The following FGF14 variants were observed in gnomAD, a reference collection of about 807,000 sequenced individuals.
FGF14 encodes fibroblast growth factor 14.
In FGF14, 5 loss-of-function variants were observed where a neutral mutation model predicts 25.5. The observed-to-expected ratio is 0.20, with a 90% CI of 0.10 to 0.41. FGF14 has a LOEUF of 0.41. FGF14 is among the 10% of genes least tolerant of loss of function. The pLI, the probability that FGF14 is intolerant of heterozygous loss-of-function variation, is 1.00. For synonymous variants in FGF14, 138 were observed against 118.3 expected, an observed-to-expected ratio of 1.17 and a Z score of -1.08; for missense variants, 222 against 320.1, an observed-to-expected ratio of 0.69 and a Z score of 2.34.
intron 1 of FGF14, among the ~76,000 whole-genome samples, chr13:102,242,514 T>G (rs148928526): frequency 3.9e-5 from 6 of 152,132 alleles, no homozygotes; most frequent in Middle Eastern, 3.4e-3. Context: ...GCAAGAGAGA[T>G]AGAGAGAGAA....
At chr13:101,931,766 C>T (rs531545362) in intron 1 of FGF14, among the ~76,000 whole-genome samples, 1 of 152,326 alleles carries the variant, frequency 6.6e-6, no homozygotes, top group South Asian at 2.1e-4. Context: ...GGAATAAGTA[C>T]TTCAGCGGAT....
intron 1 of FGF14, among the ~76,000 whole-genome samples, chr13:102,075,149 A>G (rs73576728): frequency 0.044 from 6,753 of 152,292 alleles, 482 homozygotes; most frequent in African/African-American, 0.15. Context: ...CTGTTTGCAG[A>G]TGATACATTC....
intron 3 of FGF14, among the ~76,000 whole-genome samples, chr13:101,735,944 T>C (rs1199701346): frequency 6.6e-6 from 1 of 152,192 alleles, no homozygotes; most frequent in Non-Finnish European, 1.5e-5. Flanking sequence ...CAAGAGAAAG[T>C]GCTTCCATCA....
At chr13:101,756,506 G>A (rs1378395521) in intron 3 of FGF14, among the ~76,000 whole-genome samples, 1 of 152,070 alleles carries the variant, frequency 6.6e-6, no homozygotes, top group Admixed American at 6.6e-5. Flanking sequence ...AGGCTGAGGT[G>A]GGCGGATCAC....
At chr13:102,217,689 T>C (rs1308824950) in intron 1 of FGF14, among the ~76,000 whole-genome samples, 1 of 152,016 alleles carries the variant, frequency 6.6e-6, no homozygotes, top group Non-Finnish European at 1.5e-5. Context: ...AGAAAAGTAA[T>C]TAATAAGGAT....
intron 1 of FGF14, among the ~76,000 whole-genome samples, chr13:102,284,525 T>C (rs2053999825): frequency 6.6e-6 from 1 of 152,178 alleles, no homozygotes; most frequent in Non-Finnish European, 1.5e-5. Context: ...AAAAATATTA[T>C]TTAAAAATAA....
At chr13:101,811,328 G>A (rs960524232) in intron 3 of FGF14, among the ~76,000 whole-genome samples, 1 of 152,072 alleles carries the variant, frequency 6.6e-6, no homozygotes, top group Non-Finnish European at 1.5e-5. Flanking sequence ...CTATCATTGT[G>A]CTCTTTCCAG....
At chr13:101,942,045 G>T (rs112894463) in intron 1 of FGF14, among the ~76,000 whole-genome samples, 1,831 of 152,246 alleles carry the variant, frequency 0.012, 42 homozygotes, top group African/African-American at 0.042. Flanking sequence ...ATTGATTGCT[G>T]ATCAATCATT....
rs73569711 is a variant in FGF14, at chr13:102,254,165, C to A, written c.208+147306G>T. On this transcript the variant is annotated intron_variant, in intron 1 of 4. Coordinates refer to the FGF14 transcript ENST00000376131. The stretch of plus-strand genomic sequence containing the variant: ...TTAAGTTAACAACCTTAAACAATCC[C>A]AAAACTTCCAAAAATATAACATGGA... 3.8e-3 allele frequency among the ~76,000 whole-genome samples: 579 copies of A among 152,238 alleles called. 3 individuals are homozygous for A. The highest frequency in any genetic ancestry group is 0.013 in the African/African-American group (553 of 41,550).
intron 2 of FGF14, among the ~76,000 whole-genome samples, chr13:101,870,130 T>C (rs539150140): frequency 6.6e-6 from 1 of 152,310 alleles, no homozygotes; most frequent in East Asian, 1.9e-4. Flanking sequence ...TATAGGATTT[T>C]AGGGGATTAT....
At chr13:102,392,816 G>A (rs967486809) in intron 1 of FGF14, among the ~76,000 whole-genome samples, 40 of 152,108 alleles carry the variant, frequency 2.6e-4, no homozygotes, top group African/African-American at 8.5e-4. Flanking sequence ...GCTCACCACT[G>A]CTCACTGCTC....
At chr13:102,338,462 T>C (rs1176815180) in intron 1 of FGF14, among the ~76,000 whole-genome samples, 7 of 152,206 alleles carry the variant, frequency 4.6e-5, no homozygotes, top group East Asian at 1.9e-4. Flanking sequence ...AAAAATGATC[T>C]GGCTGGTTAT....
rs115853371 is a variant in FGF14 at position 102,127,374 on chromosome 13, G to A, written c.209-252078C>T. On this transcript the variant is annotated intron_variant, in intron 1 of 4. Coordinates refer to the FGF14 transcript ENST00000376131. The stretch of plus-strand genomic sequence containing the variant: ...TTATCACTTCCTCTTTCTGTATGAG[G>A]TATAAAGTAGATATCAGAAAAACCA... 2.1e-3 allele frequency among the ~76,000 whole-genome samples: 314 copies of A among 152,186 alleles called. 1 individual carries two copies. Among genetic ancestry groups the A allele is most frequent in the African/African-American group, 7.0e-3 (292 of 41,526 alleles).
exon 1 of FGF14, chr13:102,401,497 C>T: frequency 6.2e-7 from 1 of 1,614,180 alleles, no homozygotes; most frequent in South Asian, 1.1e-5. Context: ...TTTCTTAAGA[C>T]TCTTGCCACA....
chr13:101,872,432 G>A (rs1385481709), intron 2 of FGF14, among the ~76,000 whole-genome samples: 1 of 151,726 alleles, frequency 6.6e-6, no homozygotes, highest in Non-Finnish European at 1.5e-5. Context: ...CAACAAAAGA[G>A]CTGTACTCTA....
rs778077152 is a variant in FGF14 at position 101,726,687 on chromosome 13, C to T, written c.532G>A (p.Glu178Lys). ...CTGTTCCCTTTCATAGCTTGCCCTT[C>T]CTTATTTAATCCCAAAAACCAGGCT... ...GRAWFLGLNK[E>K]GQAMKGNRVK... The change falls in exon 4 of 5, where the codon GAA (glutamate) becomes AAA (lysine). Residue 178 changes from glutamate (E) to lysine (K), a missense_variant. This residue lies in a region of FGF14 where 66 missense variants were observed against 90.3 expected (regional missense o/e 0.73). Transcript: ENST00000376143. The T allele has an allele frequency of 6.2e-7, 1 of 1,613,558 alleles. No homozygotes were observed. The highest frequency in any genetic ancestry group is 8.5e-7 in the Non-Finnish European group (1 of 1,179,678).
rs533290499 is a variant in FGF14, at chr13:102,315,890, A to T, written c.208+85581T>A. Reference sequence around the variant, plus strand: ...TTTTACAATATCCCAAGATATTTTAAAAAAAACCTGTTGTATATTACATTA... The same window carrying T: ...TTTTACAATATCCCAAGATATTTTATAAAAAACCTGTTGTATATTACATTA... On this transcript the variant is annotated intron_variant, in intron 1 of 4. Transcript: ENST00000376131. 9.9e-4 allele frequency among the ~76,000 whole-genome samples: 151 copies of T among 152,292 alleles called. 1 individual carries two copies. Among genetic ancestry groups the T allele is most frequent in the Middle Eastern group, 3.4e-3 (1 of 294 alleles).
At position 101,713,372 on chromosome 13, in the gene FGF14, A is replaced by G. The variant is rs915497069; in HGVS notation, c.*9459T>C. 2 of 152,152 alleles carry G rather than the reference A, an allele frequency of 1.3e-5. No homozygotes were observed. Among genetic ancestry groups the G allele is most frequent in the Non-Finnish European group, 2.9e-5 (2 of 68,032 alleles). 9.4% of individuals were successfully genotyped at this position (152,152 alleles called of 1,614,324 possible). A position where few individuals can be genotyped will look rare whatever the true frequency, so the allele number is the denominator to read the frequency against. On this transcript the variant is annotated 3_prime_UTR_variant, in exon 5 of 5. Coordinates refer to ENST00000376143, the MANE Select transcript of FGF14 (RefSeq NM_004115.4). Reference sequence around the variant, plus strand: ...CTTTTCAATATATTTTGAACTTACCAATTCTGCAGTTTTGTTAAATATGTC... The same window carrying G: ...CTTTTCAATATATTTTGAACTTACCGATTCTGCAGTTTTGTTAAATATGTC...
rs192036430 is a variant in FGF14 at position 102,300,611 on chromosome 13, C to A, written c.208+100860G>T. ...AAAGTGTGCCCAATCTATCTCCGTA[C>A]GGACTATAATTTACAACCCCATCAG... is the stretch of plus-strand genomic sequence containing the variant. On this transcript the variant is annotated intron_variant, in intron 1 of 4. Transcript: ENST00000376131. Among the ~76,000 whole-genome samples, 4 of 152,066 alleles carry A rather than the reference C, an allele frequency of 2.6e-5. No homozygotes were observed. The East Asian group carries it at 5.8e-4, about 22-fold the overall frequency.
Sources: gnomAD v4.1 joint callset for allele counts (sites outside exome capture counted in the v4.1 genomes callset) on GRCh38, gnomAD v4.1.1 for gene constraint, gnomAD v4.1.1 regional missense constraint, MANE v1.5 for transcripts, NCBI Gene and HGNC (gene_info 2026-07-23, HGNC 2026-07-21) for gene names.